Variants in PAX5 observed in about 807,000 individuals in gnomAD.
The protein encoded by PAX5 is paired box 5.
A neutral mutation model predicts 43.7 loss-of-function variants in PAX5; 9 were observed. The ratio of observed to expected loss-of-function variants is 0.21; its 90% CI spans 0.12 to 0.36. PAX5 has a LOEUF of 0.36. Among genes scored for constraint, PAX5 ranks in the 10% least tolerant of loss-of-function variants. The pLI, the probability that PAX5 is intolerant of heterozygous loss-of-function variation, is 1.00. For missense variants in PAX5, 383 were observed against 532.7 expected (o/e 0.72, Z 2.77); for synonymous variants, 228 against 214.3 (o/e 1.06, Z -0.56).
At chr9:36,881,889 A>T (rs1826449449) in intron 8 of PAX5, 115 bp downstream of exon 8, 19 of 796,470 alleles carry the variant, frequency 2.4e-5, no homozygotes, top group Middle Eastern at 3.4e-4. Context: ...TGCCTGATTT[A>T]TTCAGGTCCG....
intron 9 of PAX5, among the ~76,000 whole-genome samples, chr9:36,841,155 T>C (rs914919384): frequency 2.6e-5 from 4 of 152,232 alleles, no homozygotes; most frequent in Admixed American, 6.5e-5. Flanking sequence ...TCTGAATTCA[T>C]TTCCCTCAGG....
chr9:36,884,392 T>C (rs1826740393), intron 7 of PAX5, among the ~76,000 whole-genome samples: 1 of 152,222 alleles, frequency 6.6e-6, no homozygotes, highest in Non-Finnish European at 1.5e-5. Flanking sequence ...GAAAATCATA[T>C]GATTATATAA....
Position 36,966,716 on chromosome 9 carries a change from C to G in PAX5, c.613G>C (p.Glu205Gln), listed in dbSNP as rs1588104877. The change falls in exon 6 of 10, where the codon GAG (glutamate) becomes CAG (glutamine). Residue 205 changes from glutamate to glutamine, a missense_variant. Coordinates refer to ENST00000358127, the MANE Select transcript of PAX5 (RefSeq NM_016734.3). ...GAGTGGCCGTTCGGCACCGGAGACT[C>G]CTGAATACCTTTGATGAGCAGGAGA... The part of the protein sequence containing the change: ...NKRKRDEGIQ[E>Q]SPVPNGHSLP... The G allele has an allele frequency of 6.2e-7, 1 of 1,614,016 alleles. No homozygotes were observed.
At chr9:37,023,276 C>T (rs1195309130) in intron 1 of PAX5, among the ~76,000 whole-genome samples, 1 of 152,082 alleles carries the variant, frequency 6.6e-6, no homozygotes, top group Non-Finnish European at 1.5e-5. Flanking sequence ...ATGGAGGAAG[C>T]CCAGGAAGGG....
At chr9:37,033,740 A>ACC (rs1023674859) in intron 1 of PAX5, among the ~76,000 whole-genome samples, 4 of 152,168 alleles carry the variant, frequency 2.6e-5, no homozygotes, top group African/African-American at 4.8e-5. Context: ...TAACTTGCAG[A>ACC]CCCCCGGAAG....
intron 7 of PAX5, among the ~76,000 whole-genome samples, chr9:36,895,277 G>C (rs79695927): frequency 6.6e-6 from 1 of 152,218 alleles, no homozygotes; most frequent in African/African-American, 2.4e-5. Flanking sequence ...GAATGCATGC[G>C]AGGTACATGA....
intron 8 of PAX5, among the ~76,000 whole-genome samples, chr9:36,858,409 T>A (rs1823870849): frequency 6.6e-6 from 1 of 152,206 alleles, no homozygotes; most frequent in African/African-American, 2.4e-5. Context: ...CAGGTTCACT[T>A]AGCCTCAGTT....
At chr9:36,952,174 T>C (rs967218751) in intron 6 of PAX5, among the ~76,000 whole-genome samples, 2 of 151,994 alleles carry the variant, frequency 1.3e-5, no homozygotes, top group Non-Finnish European at 2.9e-5. Flanking sequence ...TTTCATATCC[T>C]TCTTGTAGGC....
rs765957235 is a variant in PAX5 at position 36,833,893 on chromosome 9, GCGTCTATGCAGGCAT to G, written c.*6652_*6666del. ...TGTATTTTTTTTTTTTTACAAGTAA[GCGTCTATGCAGGCAT>G]CACAAACTTTGGCGGATACAGTAGA... On this transcript the variant is annotated 3_prime_UTR_variant, in exon 10 of 10. Coordinates refer to ENST00000358127, the MANE Select transcript of PAX5 (RefSeq NM_016734.3). 175 of 221,940 alleles carry G rather than the reference GCGTCTATGCAGGCAT, an allele frequency of 7.9e-4. No individual in the cohort carries two copies. The highest frequency in any genetic ancestry group is 1.3e-3 in the Admixed American group (21 of 16,368). The allele number at this position is 221,940 out of a possible 1,614,324, so 13.7% of individuals were successfully genotyped here.
chr9:36,934,826 T>A (rs1831410805), intron 6 of PAX5, among the ~76,000 whole-genome samples: 1 of 152,184 alleles, frequency 6.6e-6, no homozygotes, highest in Non-Finnish European at 1.5e-5. Flanking sequence ...TGAGACAGTG[T>A]CTCCCTCATC....
chr9:36,971,998 GT>G (rs913249983), intron 5 of PAX5, among the ~76,000 whole-genome samples: 28 of 152,286 alleles, frequency 1.8e-4, no homozygotes, highest in African/African-American at 6.7e-4. Flanking sequence ...GAGGGTTCTG[GT>G]TTGTTTCTTT....
chr9:36,981,747 GAGAGCA>G (rs1202743005), intron 5 of PAX5, among the ~76,000 whole-genome samples: 1 of 152,262 alleles, frequency 6.6e-6, no homozygotes, highest in Non-Finnish European at 1.5e-5. Flanking sequence ...GTGGAGCACA[GAGAGCA>G]AGCTCTGGCT....
chr9:36,901,012 C>T, intron 7 of PAX5, among the ~76,000 whole-genome samples: 1 of 152,204 alleles, frequency 6.6e-6, no homozygotes, highest in Non-Finnish European at 1.5e-5. Flanking sequence ...TTTCCTCCAT[C>T]CCCCTTTCCA....
At chr9:36,857,408 G>A (rs375263911) in intron 8 of PAX5, among the ~76,000 whole-genome samples, 2 of 152,216 alleles carry the variant, frequency 1.3e-5, no homozygotes, top group East Asian at 1.9e-4. Context: ...TAGGCCCCCA[G>A]TAAGGCATAC....
intron 6 of PAX5, among the ~76,000 whole-genome samples, chr9:36,948,598 G>A (rs1291909293): frequency 6.6e-6 from 1 of 152,090 alleles, no homozygotes; most frequent in Admixed American, 6.5e-5. Context: ...TGCTTTAATG[G>A]AATATTTCCC....
intron 1 of PAX5, among the ~76,000 whole-genome samples, chr9:37,021,116 C>T (rs1839811258): frequency 6.6e-6 from 1 of 151,878 alleles, no homozygotes; most frequent in Non-Finnish European, 1.5e-5. Flanking sequence ...ACGAAATGGG[C>T]ACAACTTATT....
chr9:36,916,967 G>T (rs975489812), intron 7 of PAX5, among the ~76,000 whole-genome samples: 1 of 152,074 alleles, frequency 6.6e-6, no homozygotes, highest in African/African-American at 2.4e-5. Flanking sequence ...TTACAGGCGC[G>T]AGCCACTGCA....
At position 36,934,689 on chromosome 9, in the gene PAX5, T is replaced by C. The variant is rs1180706260; in HGVS notation, c.781-11205A>G. 3.9e-5 allele frequency among the ~76,000 whole-genome samples: 6 copies of C among 152,284 alleles called. No homozygotes were observed. The East Asian group carries it at 1.2e-3, about 29-fold the overall frequency. ...CCTCTTCCAGGAAGCCCTCATGGATTCCCCCTTCTCTGTGTTCCTAAAATG... is the reference window on the plus strand; with the variant it reads ...CCTCTTCCAGGAAGCCCTCATGGATCCCCCCTTCTCTGTGTTCCTAAAATG... On this transcript the variant is annotated intron_variant, in intron 6 of 9. Transcript: ENST00000358127.
intron 9 of PAX5, among the ~76,000 whole-genome samples, chr9:36,844,655 A>G (rs758439824): frequency 3.9e-5 from 6 of 152,178 alleles, no homozygotes; most frequent in Non-Finnish European, 8.8e-5. Context: ...TCCCTGGGAC[A>G]GAGTGTGCAT....
Sources: gnomAD v4.1 joint callset for allele counts (sites outside exome capture counted in the v4.1 genomes callset) on GRCh38, gnomAD v4.1.1 for gene constraint, MANE v1.5 for transcripts, NCBI Gene and HGNC (gene_info 2026-07-23, HGNC 2026-07-21) for gene names.